Variants in SNX8 observed in about 807,000 individuals in gnomAD.
SNX8 encodes the protein sorting nexin 8.
Under a neutral mutation model 51.6 loss-of-function variants are expected in SNX8, and 25 were observed. The ratio of observed to expected loss-of-function variants is 0.48; its 90% CI spans 0.35 to 0.68. The LOEUF (loss-of-function observed/expected upper bound fraction) is 0.68, where lower values mean the gene tolerates loss of function less well. Among genes scored for constraint, SNX8 ranks in the 30% least tolerant of loss-of-function variants. The probability of loss-of-function intolerance (pLI) is 0.00; values close to 1 mark genes in which losing one functional copy is unlikely to be tolerated. For synonymous variants in SNX8, 324 were observed against 277.0 expected (o/e 1.17, Z -1.68); for missense variants, 695 against 624.0 (o/e 1.11, Z -1.21).
intron 2 of SNX8, among the ~76,000 whole-genome samples, chr7:2,277,459 T>C (rs952676773): frequency 6.6e-6 from 1 of 151,932 alleles, no homozygotes; most frequent in Non-Finnish European, 1.5e-5. Flanking sequence ...GAGGCTGGTG[T>C]GGATCCCGCT....
chr7:2,285,073 G>A (rs1309444807), intron 1 of SNX8, among the ~76,000 whole-genome samples: 3 of 151,966 alleles, frequency 2.0e-5, no homozygotes, highest in East Asian at 3.9e-4. Flanking sequence ...TTAGCCGGGT[G>A]TGGTGGCGGA....
chr7:2,265,022 G>C (rs538377696), intron 5 of SNX8, among the ~76,000 whole-genome samples: 1 of 152,012 alleles, frequency 6.6e-6, no homozygotes, highest in African/African-American at 2.4e-5. Context: ...GCGACAGAAC[G>C]AGACTCTGTC....
chr7:2,292,001 T>C (rs1796161346), intron 1 of SNX8, among the ~76,000 whole-genome samples: 1 of 152,224 alleles, frequency 6.6e-6, no homozygotes, highest in Non-Finnish European at 1.5e-5. Flanking sequence ...CACTGGCTCA[T>C]GCCTGTAATC....
intron 1 of SNX8, among the ~76,000 whole-genome samples, chr7:2,294,225 T>G (rs909310783): frequency 6.6e-6 from 1 of 151,340 alleles, no homozygotes; most frequent in Admixed American, 6.6e-5. Flanking sequence ...ATCACGCCAT[T>G]GCACCCCAGC....
chr7:2,313,573 G>A (rs1181663470), intron 1 of SNX8, among the ~76,000 whole-genome samples: 1 of 150,156 alleles, frequency 6.7e-6, no homozygotes, highest in East Asian at 2.0e-4. Flanking sequence ...GAAAAAGACA[G>A]AAATACAGGC....
At position 2,271,968 on chromosome 7, in the gene SNX8, T is replaced by C; in HGVS notation, c.422A>G (p.Asp141Gly). ...ALPPKRMLGA[D>G]REFIEARRRA... ...CCTCCTGGCCTCGATGAACTCCCTG[T>C]CAGCTGGAGGAGCACACGGGGTCAC... The change falls in exon 4 of 11, where the codon GAC becomes GGC. Residue 141 changes from aspartate (D) to glycine (G), a missense_variant. By Grantham distance (94) the Asp-to-Gly change is moderately conservative (BLOSUM62 -1). Coordinates refer to ENST00000222990, the MANE Select transcript of SNX8 (RefSeq NM_013321.4). The C allele has an allele frequency of 6.2e-7, 1 of 1,613,968 alleles. No homozygotes were observed. The highest frequency in any genetic ancestry group is 1.7e-5 in the Admixed American group (1 of 60,016).
Position 2,264,318 on chromosome 7 carries a change from G to A in SNX8, c.762C>T (p.Leu254=), listed in dbSNP as rs549332453. Residue 254 remains leucine (L), a synonymous_variant, in exon 6 of 11, where the codon CTC becomes CTT. Coordinates refer to ENST00000222990, the MANE Select transcript of SNX8 (RefSeq NM_013321.4). ...SRAIDNAADL[L]IFGKELSAIG... ...CCTACCTTAGCTCCTTCCCGAATAT[G>A]AGAAGATCTGCCGCATTGTCGATGG... The A allele has an allele frequency of 8.7e-6, 14 of 1,612,298 alleles. No individual in the cohort carries two copies. Among genetic ancestry groups the A allele is most frequent in the South Asian group, 6.6e-5 (6 of 91,066 alleles).
chr7:2,309,713 A>G (rs1796622738), intron 1 of SNX8: 5 of 451,086 alleles, frequency 1.1e-5, no homozygotes, highest in South Asian at 8.1e-5. Flanking sequence ...CCTGGACAAC[A>G]AGAGCGAGAC....
At chr7:2,309,779 C>A (rs1343863824) in intron 1 of SNX8, 4 of 470,118 alleles carry the variant, frequency 8.5e-6, no homozygotes. Flanking sequence ...TGAATTCTGA[C>A]CAACGTATTC....
upstream of SNX8, among the ~76,000 whole-genome samples, chr7:2,318,434 G>T (rs1012056437): frequency 4.6e-5 from 7 of 151,424 alleles, no homozygotes; most frequent in African/African-American, 1.7e-4. Flanking sequence ...TGAGGCAGGA[G>T]AATGGTGTGA....
At chr7:2,300,969 C>T (rs1796377281) in intron 1 of SNX8, among the ~76,000 whole-genome samples, 1 of 152,086 alleles carries the variant, frequency 6.6e-6, no homozygotes, top group African/African-American at 2.4e-5. Context: ...AACCCAACCT[C>T]GAACGAGACA....
chr7:2,331,262 T>C (rs749436668), intron 1 of SNX8, among the ~76,000 whole-genome samples: 2 of 146,376 alleles, frequency 1.4e-5, no homozygotes, highest in Non-Finnish European at 3.0e-5. Flanking sequence ...ATAATATACA[T>C]AGAAAATTCC....
At chr7:2,277,957 G>A in intron 2 of SNX8, 143 bp downstream of exon 2, 2 of 1,351,510 alleles carry the variant, frequency 1.5e-6, no homozygotes, top group Non-Finnish European at 2.0e-6. Context: ...TGACTCTGCT[G>A]CGAGTTCTGG....
At chr7:2,327,561 C>T (rs1778645132) in intron 1 of SNX8, among the ~76,000 whole-genome samples, 1 of 152,188 alleles carries the variant, frequency 6.6e-6, no homozygotes, top group South Asian at 2.1e-4. Flanking sequence ...GTGCCCGCCA[C>T]CATGCCCGGC....
intron 3 of SNX8, among the ~76,000 whole-genome samples, chr7:2,272,324 A>G (rs112271773): frequency 0.02 from 3,110 of 152,132 alleles, 40 homozygotes; most frequent in South Asian, 0.044. Flanking sequence ...TTCTCACTGC[A>G]AACAAATGGG....
At chr7:2,317,247 C>CCTT (rs1796771382), upstream of SNX8, among the ~76,000 whole-genome samples, 4 of 102,178 alleles carry the variant, frequency 3.9e-5, no homozygotes, top group South Asian at 3.6e-4. Context: ...GGATCCTGGA[C>CCTT]CTTCTTTTTT....
chr7:2,341,280 C>T (rs531654650), intron 1 of SNX8, among the ~76,000 whole-genome samples: 1 of 152,204 alleles, frequency 6.6e-6, no homozygotes, highest in Non-Finnish European at 1.5e-5. Context: ...AGGAGGATCG[C>T]TTGAGGCCAG....
chr7:2,334,456 G>C (rs951159794), intron 1 of SNX8, among the ~76,000 whole-genome samples: 2 of 151,472 alleles, frequency 1.3e-5, no homozygotes, highest in Admixed American at 6.6e-5. Context: ...CCAACACTTT[G>C]GGAAGCCAAG....
chr7:2,266,629 G>A (rs193158461), intron 5 of SNX8, among the ~76,000 whole-genome samples: 109 of 152,296 alleles, frequency 7.2e-4, no homozygotes, highest in African/African-American at 2.2e-3. Flanking sequence ...ACAGGCGTAA[G>A]CCACCACGCC....
Sources: gnomAD v4.1 joint callset for allele counts (sites outside exome capture counted in the v4.1 genomes callset) on GRCh38, gnomAD v4.1.1 for gene constraint, MANE v1.5 for transcripts, NCBI Gene and HGNC (gene_info 2026-07-23, HGNC 2026-07-21) for gene names.